MAPK8IP1: variants seen among roughly 807,000 people sequenced by gnomAD.
MAPK8IP1 encodes the protein mitogen-activated protein kinase 8 interacting protein 1, also known as C-Jun-amino-terminal kinase-interacting protein 1.
A neutral mutation model predicts 72.6 loss-of-function variants in MAPK8IP1; 17 were observed. That is an observed-to-expected ratio of 0.23 (90% CI 0.16 to 0.35). The LOEUF is 0.35. Among genes scored for constraint, MAPK8IP1 ranks in the 10% least tolerant of loss-of-function variants. The pLI is 1.00. For synonymous variants in MAPK8IP1, 401 were observed against 443.4 expected, an observed-to-expected ratio of 0.90 and a Z score of 1.20; for missense variants, 789 against 1,009.7, an observed-to-expected ratio of 0.78 and a Z score of 2.96.
rs2086644150 is a variant in MAPK8IP1 at position 45,900,525 on chromosome 11, G to A, written c.522+73G>A. Reference sequence around the variant, plus strand: ...TGAGGGGGAGCGCAGAGGGGCTGCAGCGGGAAGGGGCACCCACGGGTCCAG... The same window carrying A: ...TGAGGGGGAGCGCAGAGGGGCTGCAACGGGAAGGGGCACCCACGGGTCCAG... On this transcript the variant is annotated intron_variant, in intron 3 of 11. Transcript: ENST00000241014. The surrounding 1 kb of genome is among the most constrained non-coding windows in gnomAD (Gnocchi z 6.5). The A allele has an allele frequency of 1.3e-6, 2 of 1,489,286 alleles. No individual in the cohort carries two copies. Among genetic ancestry groups the A allele is most frequent in the Admixed American group, 2.1e-5 (1 of 48,564 alleles). 92.3% of individuals were successfully genotyped at this position (1,489,286 alleles called of 1,614,324 possible). A position where few individuals can be genotyped will look rare whatever the true frequency, so the allele number is the denominator to read the frequency against.
Position 45,904,666 on chromosome 11 carries a change from G to T in MAPK8IP1, c.1777-52G>T. The T allele has an allele frequency of 6.2e-7, 1 of 1,601,342 alleles. No individual in the cohort carries two copies. The highest frequency in any genetic ancestry group is 1.1e-5 in the South Asian group (1 of 90,858). Reference sequence around the variant, plus strand: ...AGGGCTCAGGCCCTGGGACAGGAGGGATCAGCAGAGGAACAGACAGCAGCT... The same window carrying T: ...AGGGCTCAGGCCCTGGGACAGGAGGTATCAGCAGAGGAACAGACAGCAGCT... On this transcript the variant is annotated intron_variant, in intron 8 of 11. Transcript: ENST00000241014. The surrounding 1 kb of genome is among the most constrained non-coding windows in gnomAD (Gnocchi z 6.4).
chr11:45,905,324 G>A (rs528089166), intron 11 of MAPK8IP1, 75 bp downstream of exon 11: 103 of 1,339,536 alleles, frequency 7.7e-5, no homozygotes, highest in South Asian at 1.6e-4. Flanking sequence ...GCTTCCTGGC[G>A]CTCAGCTTTG....
In MAPK8IP1 at chr11:45,904,334, A is replaced by G. The variant is rs1463825391; in HGVS notation, c.1667-121A>G. On this transcript the variant is annotated intron_variant, in intron 7 of 11. Transcript: ENST00000241014. This position sits in a 1 kb window ranked among gnomAD's most constrained non-coding sequence, Gnocchi z 6.4. Reference sequence around the variant, plus strand: ...TGAGGCCCGGCCAAGTTGGGCAGCCAGGGATTGTGGCAGCCTCTGTGGGCT... The same window carrying G: ...TGAGGCCCGGCCAAGTTGGGCAGCCGGGGATTGTGGCAGCCTCTGTGGGCT... 11 of 1,190,544 alleles carry G rather than the reference A, an allele frequency of 9.2e-6. No individual in the cohort carries two copies. The East Asian group carries it at 1.8e-4, about 19-fold the overall frequency. 73.7% of individuals were successfully genotyped at this position (1,190,544 alleles called of 1,614,324 possible).
chr11:45,885,698 G>T lies in MAPK8IP1; in HGVS notation c.-123G>T. 2.2e-6 allele frequency: 1 copy of T among 449,990 alleles called. No individual in the cohort carries two copies. The highest frequency in any genetic ancestry group is 3.7e-6 in the Non-Finnish European group (1 of 272,072). 27.9% of individuals were successfully genotyped at this position (449,990 alleles called of 1,614,324 possible). ...GCTGTGCCGCGCCCTGCCAGACACA[G>T]GTGCGCCCGCCTAGCCCGAACTCCG... On this transcript the variant is annotated 5_prime_UTR_variant, in exon 1 of 12. It adds an upstream start codon to the 5' untranslated region. Coordinates refer to ENST00000241014, the MANE Select transcript of MAPK8IP1 (RefSeq NM_005456.4).
chr11:45,888,033 T>C (rs2086540956), intron 1 of MAPK8IP1, among the ~76,000 whole-genome samples: 1 of 152,218 alleles, frequency 6.6e-6, no homozygotes, highest in Non-Finnish European at 1.5e-5. Flanking sequence ...CACTGGGCAC[T>C]TAAGCCCTCT....
intron 1 of MAPK8IP1, among the ~76,000 whole-genome samples, chr11:45,887,846 C>T (rs905308634): frequency 1.3e-5 from 2 of 152,252 alleles, no homozygotes; most frequent in African/African-American, 4.8e-5. Context: ...CGGCCTGCCC[C>T]GCTGCTCCCA....
chr11:45,905,562 G>A, intron 11 of MAPK8IP1, 87 bp from the exon 12 acceptor site: 1 of 1,224,812 alleles, frequency 8.2e-7, no homozygotes, highest in Non-Finnish European at 1.2e-6. Flanking sequence ...TGGGCCCCAA[G>A]GCTCCAGCGG....
chr11:45,902,774 T>TCGACTGCCTGTCGTCCCCAGA lies in MAPK8IP1; in HGVS notation c.1008_1028dup (p.Pro342_Glu343insAspAspCysLeuSerSerPro), dbSNP rs769676474. ...TCCATCAGTGAAGAGGAAGAGGGCT[T>TCGACTGCCTGTCGTCCCCAGA]CGACTGCCTGTCGTCCCCAGAGCGG... On this transcript the variant is annotated inframe_insertion, in exon 5 of 12. Transcript: ENST00000241014. The surrounding 1 kb of genome is among the most constrained non-coding windows in gnomAD (Gnocchi z 9.3). 2 of 1,597,862 alleles carry TCGACTGCCTGTCGTCCCCAGA rather than the reference T, an allele frequency of 1.3e-6. No homozygotes were observed. The highest frequency in any genetic ancestry group is 1.7e-6 in the Non-Finnish European group (2 of 1,175,802).
At position 45,904,272 on chromosome 11, in the gene MAPK8IP1, G is replaced by A. The variant is rs2086684402; in HGVS notation, c.1666+111G>A. 7.5e-7 allele frequency: 1 copy of A among 1,335,896 alleles called. No individual in the cohort carries two copies. The highest frequency in any genetic ancestry group is 1.1e-6 in the Non-Finnish European group (1 of 951,018). The allele number at this position is 1,335,896 out of a possible 1,614,324, so 82.8% of individuals were successfully genotyped here. ...CAGCCAGCCAGGTGGGGGGCTGAGT[G>A]GAAGTGATTTTAGGTCCTTTTCACG... On this transcript the variant is annotated intron_variant, in intron 7 of 11. Transcript: ENST00000241014. This position sits in a 1 kb window ranked among gnomAD's most constrained non-coding sequence, Gnocchi z 6.4.
intron 1 of MAPK8IP1, among the ~76,000 whole-genome samples, chr11:45,887,077 G>A (rs558148163): frequency 6.6e-6 from 1 of 152,298 alleles, no homozygotes. Flanking sequence ...GCAGCTCTCT[G>A]ATAATGCCTT....
intron 1 of MAPK8IP1, among the ~76,000 whole-genome samples, chr11:45,887,195 C>T (rs116723821): frequency 0.015 from 2,244 of 152,270 alleles, 56 homozygotes; most frequent in African/African-American, 0.051. Context: ...CTTAGAGGGA[C>T]CTGGGTTCAA....
At chr11:45,898,829 C>G (rs1267078576) in intron 2 of MAPK8IP1, among the ~76,000 whole-genome samples, 1 of 152,158 alleles carries the variant, frequency 6.6e-6, no homozygotes, top group Non-Finnish European at 1.5e-5. Flanking sequence ...GCCAGGAGGT[C>G]CCCAGCACCT....
Position 45,885,880 on chromosome 11 carries a change from C to G in MAPK8IP1, c.60C>G (p.Ser20=). 1 of 1,462,932 alleles carries G rather than the reference C, an allele frequency of 6.8e-7. No individual in the cohort carries two copies. Among genetic ancestry groups the G allele is most frequent in the Non-Finnish European group, 9.1e-7 (1 of 1,104,042 alleles). The allele number at this position is 1,462,932 out of a possible 1,614,324, so 90.6% of individuals were successfully genotyped here. A position where few individuals can be genotyped will look rare whatever the true frequency, so the allele number is the denominator to read the frequency against. ...GGGAASPPAA[S]PFLGLHIASP... is the part of the protein sequence containing the mutation. ...GGGCCGCGTCCCCGCCCGCCGCCTCCCCGTTCCTGGGGCTGCACATCGCTT... is the reference window on the plus strand; with the variant it reads ...GGGCCGCGTCCCCGCCCGCCGCCTCGCCGTTCCTGGGGCTGCACATCGCTT... Residue 20 remains serine, a synonymous_variant, in exon 1 of 12, where the codon TCC becomes TCG. Transcript: ENST00000241014.
At chr11:45,896,493 G>GT in intron 1 of MAPK8IP1, 1 of 1,032,806 alleles carries the variant, frequency 9.7e-7, no homozygotes, top group Non-Finnish European at 1.2e-6. Context: ...GCCAGGGAGG[G>GT]GGGGCCACTC....
rs747230943 is a variant in MAPK8IP1 at position 45,902,585 on chromosome 11, T to C, written c.818T>C (p.Val273Ala). 3 of 1,612,690 alleles carry C rather than the reference T, an allele frequency of 1.9e-6. No homozygotes were observed. The highest frequency in any genetic ancestry group is 2.5e-6 in the Non-Finnish European group (3 of 1,179,896). Reference sequence around the variant, plus strand: ...GACCGAATCCACTACCAGGCCGATGTGCGACTAGAGGCCACTGAGGAGATC... The same window carrying C: ...GACCGAATCCACTACCAGGCCGATGCGCGACTAGAGGCCACTGAGGAGATC... ...HRDRIHYQAD[V>A]RLEATEEIYL... Residue 273 changes from valine to alanine, a missense_variant, in exon 5 of 12, where the codon GTG becomes GCG. Val to Ala is a moderately conservative substitution (Grantham distance 64, BLOSUM62 0). Transcript: ENST00000241014. This position sits in a 1 kb window ranked among gnomAD's most constrained non-coding sequence, Gnocchi z 9.3.
chr11:45,905,298 C>A, intron 11 of MAPK8IP1, 49 bp downstream of exon 11: 1 of 1,536,746 alleles, frequency 6.5e-7, no homozygotes, highest in Non-Finnish European at 9.0e-7. Context: ...CACGCCCAAT[C>A]CCAGGCCCTG....
chr11:45,898,163 A>G lies in MAPK8IP1; in HGVS notation c.180A>G (p.Leu60=), dbSNP rs776328140. 2 of 1,613,524 alleles carry G rather than the reference A, an allele frequency of 1.2e-6. No homozygotes were observed. The highest frequency in any genetic ancestry group is 2.2e-5 in the South Asian group (2 of 91,054). The change falls in exon 2 of 12, where the codon TTA becomes TTG. Residue 60 remains leucine (L), a synonymous_variant. Transcript: ENST00000241014. The part of the protein sequence containing the change: ...SEITDECGIS[L]QCKDTLSLRP... ...TCACTGATGAGTGTGGCATCAGCTT[A>G]CAGTGCAAAGACACCCTGTCCTTAC...
Position 45,902,607 on chromosome 11 carries a change from G to C in MAPK8IP1, c.840G>C (p.Glu280Asp), listed in dbSNP as rs765873626. The C allele has an allele frequency of 6.2e-7, 1 of 1,612,932 alleles. No homozygotes were observed. The highest frequency in any genetic ancestry group is 8.5e-7 in the Non-Finnish European group (1 of 1,179,922). Reference sequence around the variant, plus strand: ...ATGTGCGACTAGAGGCCACTGAGGAGATCTACCTGACCCCAGTGCAGAGGC... The same window carrying C: ...ATGTGCGACTAGAGGCCACTGAGGACATCTACCTGACCCCAGTGCAGAGGC... ...QADVRLEATE[E>D]IYLTPVQRPP... Residue 280 changes from glutamate to aspartate, a missense_variant, in exon 5 of 12, where the codon GAG becomes GAC. Transcript: ENST00000241014. This position sits in a 1 kb window ranked among gnomAD's most constrained non-coding sequence, Gnocchi z 9.3.
chr11:45,894,748 G>A (rs938630846), intron 1 of MAPK8IP1, among the ~76,000 whole-genome samples: 10 of 152,226 alleles, frequency 6.6e-5, no homozygotes, highest in Non-Finnish European at 1.3e-4. Flanking sequence ...CCCTCCAGGA[G>A]CAAGGGGAGG....
Sources: allele counts gnomAD v4.1 joint callset (sites outside exome capture counted in the v4.1 genomes callset), GRCh38; gene constraint gnomAD v4.1.1; non-coding constraint Gnocchi (gnomAD v3.1); transcripts MANE v1.5; gene names NCBI Gene and HGNC (gene_info 2026-07-23, HGNC 2026-07-21).